The following ATOH8 variants were observed in gnomAD, a reference collection of about 807,000 sequenced individuals.
ATOH8 encodes transcription factor ATOH8.
In ATOH8, 9 loss-of-function variants were observed where a neutral mutation model predicts 21.2. The ratio of observed to expected loss-of-function variants is 0.42; its 90% CI spans 0.26 to 0.74. ATOH8 has a LOEUF of 0.74. Among genes scored for constraint, ATOH8 ranks in the 30% least tolerant of loss-of-function variants. The pLI, the probability that ATOH8 is intolerant of heterozygous loss-of-function variation, is 0.24. For missense variants in ATOH8, 524 were observed against 470.9 expected (o/e 1.11, Z -1.04); for synonymous variants, 253 against 224.0 (o/e 1.13, Z -1.16).
intron 1 of ATOH8, among the ~76,000 whole-genome samples, chr2:85,762,292 C>T (rs1377060370): frequency 2.6e-5 from 4 of 152,200 alleles, no homozygotes; most frequent in African/African-American, 4.8e-5. Context: ...GTTGAATCCA[C>T]GTGACAAAAA....
chr2:85,763,086 C>T (rs375854320), intron 1 of ATOH8, among the ~76,000 whole-genome samples: 10 of 152,046 alleles, frequency 6.6e-5, no homozygotes, highest in African/African-American at 2.2e-4. Flanking sequence ...GGATTGTTAG[C>T]CCTTTAGGTG....
intron 2 of ATOH8, chr2:85,773,961 TG>T: frequency 4.6e-6 from 2 of 438,692 alleles, no homozygotes; most frequent in Non-Finnish European, 6.1e-6. Context: ...GTTTGGATGC[TG>T]GAGCTGGTCC....
rs734042 is a variant in ATOH8, at chr2:85,787,973, G to A, written c.*1083G>A. On this transcript the variant is annotated 3_prime_UTR_variant, in exon 3 of 3. Coordinates refer to ENST00000306279, the MANE Select transcript of ATOH8 (RefSeq NM_032827.7). ...GCCTGCGTGTTCAAAGCCAAGGCCC[G>A]CCCCTTCCTTGTGCTCAAATGGCCA... 0.31 allele frequency: 47,998 copies of A among 152,594 alleles called. 7,837 individuals carry two copies. Among genetic ancestry groups the A allele is most frequent in the South Asian group, 0.44 (2,132 of 4,820 alleles). 9.5% of individuals were successfully genotyped at this position (152,594 alleles called of 1,614,324 possible). A position where few individuals can be genotyped will look rare whatever the true frequency, so the allele number is the denominator to read the frequency against.
rs889407090 is a variant in ATOH8 at position 85,785,148 on chromosome 2, C to G, written c.961-1737C>G. On this transcript the variant is annotated intron_variant, in intron 2 of 2. Coordinates refer to ENST00000306279, the MANE Select transcript of ATOH8 (RefSeq NM_032827.7). The surrounding 1 kb of genome is among the most constrained non-coding windows in gnomAD (Gnocchi z 4.1). ...AGGACGGCTCCAGCCAACCCAGCCT[C>G]CCCTTCTTCCTCAGGCCACGGGCAG... is the stretch of plus-strand genomic sequence containing the variant. 2.6e-5 allele frequency among the ~76,000 whole-genome samples: 4 copies of G among 152,260 alleles called. No individual in the cohort carries two copies. The highest frequency in any genetic ancestry group is 9.6e-5 in the African/African-American group (4 of 41,468).
intron 2 of ATOH8, chr2:85,772,637 A>G (rs1446891902): frequency 2.2e-6 from 1 of 451,972 alleles, no homozygotes; most frequent in Non-Finnish European, 4.4e-6. Flanking sequence ...ATCACTCAGG[A>G]TACAACAGCG....
chr2:85,757,386 C>G (rs1282941051), intron 1 of ATOH8, among the ~76,000 whole-genome samples: 1 of 152,220 alleles, frequency 6.6e-6, no homozygotes, highest in African/African-American at 2.4e-5. Flanking sequence ...ACCCCCTCCC[C>G]GAATCCAGAC....
At chr2:85,779,043 G>C (rs1376796658) in intron 2 of ATOH8, among the ~76,000 whole-genome samples, 1 of 151,280 alleles carries the variant, frequency 6.6e-6, no homozygotes, top group Non-Finnish European at 1.5e-5. Context: ...CAGCCCGGGT[G>C]CCTCCTCCAG....
Position 85,754,835 on chromosome 2 carries a change from G to C in ATOH8, c.646G>C (p.Glu216Gln). 3 of 1,612,628 alleles carry C rather than the reference G, an allele frequency of 1.9e-6. No homozygotes were observed. Among genetic ancestry groups the C allele is most frequent in the Non-Finnish European group, 2.5e-6 (3 of 1,179,908 alleles). ...CGCGTCGCCTAGGAAACGACCGGGC[G>C]AAGCGACTGCCGCCTCCTCCGAGAT... ...SSASPRKRPG[E>Q]ATAASSEIKA... Residue 216 changes from glutamate (E) to glutamine (Q), a missense_variant, in exon 1 of 3, where the codon GAA becomes CAA. Transcript: ENST00000306279.
At chr2:85,780,941 C>G (rs768641033) in intron 2 of ATOH8, 20 of 987,086 alleles carry the variant, frequency 2.0e-5, no homozygotes, top group Admixed American at 6.1e-5. Context: ...TGCTGGAGGC[C>G]GACTGGTCCA....
intron 2 of ATOH8, among the ~76,000 whole-genome samples, chr2:85,767,121 A>T (rs562271587): frequency 1.4e-3 from 137 of 101,286 alleles, no homozygotes; most frequent in African/African-American, 5.4e-3. Context: ...TTGGAACCTC[A>T]CCGGTTTTAT....
intron 2 of ATOH8, among the ~76,000 whole-genome samples, chr2:85,769,826 C>T (rs1054404217): frequency 5.3e-5 from 8 of 152,112 alleles, no homozygotes; most frequent in Non-Finnish European, 1.0e-4. Context: ...TCAGTTCCAC[C>T]TATGGCCCCT....
In ATOH8 at chr2:85,754,716, A is replaced by G. The variant is rs753015004; in HGVS notation, c.527A>G (p.Glu176Gly). 8 of 1,611,262 alleles carry G rather than the reference A, an allele frequency of 5.0e-6. No individual in the cohort carries two copies. Among genetic ancestry groups the G allele is most frequent in the African/African-American group, 1.3e-5 (1 of 74,854 alleles). ...SAPPAPPAPP[E>G]STVRPAPPTR... Reference sequence around the variant, plus strand: ...CCCCCAGCACCGCCAGCGCCCCCGGAGTCCACTGTGCGCCCTGCGCCCCCG... The same window carrying G: ...CCCCCAGCACCGCCAGCGCCCCCGGGGTCCACTGTGCGCCCTGCGCCCCCG... Residue 176 changes from glutamate (E) to glycine (G), a missense_variant, in exon 1 of 3, where the codon GAG becomes GGG. By Grantham distance (98) the Glu-to-Gly change is moderately conservative. Transcript: ENST00000306279.
At chr2:85,767,185 A>G (rs147552520) in intron 2 of ATOH8, among the ~76,000 whole-genome samples, 1 of 152,048 alleles carries the variant, frequency 6.6e-6, no homozygotes, top group Non-Finnish European at 1.5e-5. Flanking sequence ...ACCTCCATTT[A>G]CAGAGATTCT....
chr2:85,762,638 T>C (rs1311500981), intron 1 of ATOH8, among the ~76,000 whole-genome samples: 1 of 152,060 alleles, frequency 6.6e-6, no homozygotes, highest in Non-Finnish European at 1.5e-5. Flanking sequence ...CAGGGAAAGT[T>C]CTTGGACACA....
At chr2:85,768,767 C>G (rs1471895090) in intron 2 of ATOH8, among the ~76,000 whole-genome samples, 1 of 152,194 alleles carries the variant, frequency 6.6e-6, no homozygotes, top group Non-Finnish European at 1.5e-5. Flanking sequence ...CCCTCCTCGG[C>G]AGGGGGTGGG....
chr2:85,764,175 AG>A lies in ATOH8; in HGVS notation c.954del (p.Lys318AsnfsTer136). 6.2e-7 allele frequency: 1 copy of A among 1,614,130 alleles called. No individual in the cohort carries two copies. Among genetic ancestry groups the A allele is most frequent in the Non-Finnish European group, 8.5e-7 (1 of 1,180,038 alleles). On this transcript the variant is annotated frameshift_variant, in exon 2 of 3. Coordinates refer to ENST00000306279, the MANE Select transcript of ATOH8 (RefSeq NM_032827.7). LOFTEE classifies it high-confidence loss of function. ...CTGCAGGCCGAGGGACGTGCCAAGA[AG>A]CGCAAGGTATGCACCAGCTGGGTGG... is the stretch of plus-strand genomic sequence containing the variant. Reference protein sequence around the residue: ...RTLQAEGRAKKRKE With the variant: ...RTLQAEGRAKXRKE
chr2:85,778,982 C>T (rs527680364), intron 2 of ATOH8, among the ~76,000 whole-genome samples: 2 of 152,100 alleles, frequency 1.3e-5, no homozygotes, highest in South Asian at 2.1e-4. Context: ...GCTGCCCCCT[C>T]CTGCTTGAGT....
intron 2 of ATOH8, among the ~76,000 whole-genome samples, chr2:85,778,730 G>A (rs575477508): frequency 8.5e-5 from 13 of 152,322 alleles, no homozygotes; most frequent in South Asian, 8.3e-4. Context: ...GAGGGGAGGC[G>A]CTTCGAGAGG....
intron 2 of ATOH8, among the ~76,000 whole-genome samples, chr2:85,765,339 G>A (rs1007511669): frequency 2.0e-4 from 30 of 152,192 alleles, no homozygotes; most frequent in African/African-American, 7.2e-4. Context: ...CGGGTTTCCC[G>A]GAGGTCCCCC....
Sources: allele counts gnomAD v4.1 joint callset (sites outside exome capture counted in the v4.1 genomes callset), GRCh38; gene constraint gnomAD v4.1.1; non-coding constraint Gnocchi (gnomAD v3.1); transcripts MANE v1.5; gene names NCBI Gene and HGNC (gene_info 2026-07-23, HGNC 2026-07-21).